The following ARHGEF2 variants were observed in gnomAD, a reference collection of about 807,000 sequenced individuals.
ARHGEF2 encodes Rho/Rac guanine nucleotide exchange factor 2, also known as rho guanine nucleotide exchange factor 2.
Under a neutral mutation model 121.0 loss-of-function variants are expected in ARHGEF2, and 22 were observed. That is an observed-to-expected ratio of 0.18 (90% CI 0.13 to 0.26). The LOEUF (loss-of-function observed/expected upper bound fraction) is 0.26. Among genes scored for constraint, ARHGEF2 ranks in the 10% least tolerant of loss-of-function variants. The pLI, the probability that ARHGEF2 is intolerant of heterozygous loss-of-function variation, is 1.00. For synonymous variants in ARHGEF2, 487 were observed against 530.0 expected (o/e 0.92, Z 1.11); for missense variants, 907 against 1,336.0 (o/e 0.68, Z 5.01).
Position 155,961,970 on chromosome 1 carries a change from ATCGTG to A in ARHGEF2, c.1220-66_1220-62del. ...CAGTTTCACTCACACCCCAGTTCCC[ATCGTG>A]TCTTGATTCCACCTTTAGAGGCTGC... On this transcript the variant is annotated intron_variant, in intron 10 of 21. Transcript: ENST00000361247. This position sits in a 1 kb window ranked among gnomAD's most constrained non-coding sequence, Gnocchi z 4.7. 1 of 1,607,104 alleles carries A rather than the reference ATCGTG, an allele frequency of 6.2e-7. No individual in the cohort carries two copies. The highest frequency in any genetic ancestry group is 2.2e-5 in the East Asian group (1 of 44,726).
chr1:155,970,866 T>C (rs1161937920), intron 1 of ARHGEF2: 1 of 986,336 alleles, frequency 1.0e-6, no homozygotes, highest in East Asian at 1.1e-4. Context: ...TGCCTGATGA[T>C]GTCCAGAGCC....
chr1:155,951,996 A>G lies in ARHGEF2; in HGVS notation c.2105-10T>C. On this transcript the variant is annotated splice_polypyrimidine_tract_variant and intron_variant, in intron 16 of 21. Coordinates refer to ENST00000361247, the MANE Select transcript of ARHGEF2 (RefSeq NM_001162383.2). The surrounding 1 kb of genome is among the most constrained non-coding windows in gnomAD (Gnocchi z 5.1). ...GTTCTGGCCTCACCATCTGTTGAGA[A>G]GGAGAAAAGGATGGCTGAGCTCACT... 1 of 1,614,112 alleles carries G rather than the reference A, an allele frequency of 6.2e-7. No homozygotes were observed. Among genetic ancestry groups the G allele is most frequent in the East Asian group, 2.2e-5 (1 of 44,886 alleles).
intron 1 of ARHGEF2, among the ~76,000 whole-genome samples, chr1:155,977,558 G>C (rs978325257): frequency 6.6e-6 from 1 of 152,172 alleles, no homozygotes; most frequent in Non-Finnish European, 1.5e-5. Context: ...ATAGTGCCAG[G>C]TGTGTCAGCC....
At chr1:155,953,746 C>CAAAAAAAAAAAAAAAAAAAAA (rs926082849) in intron 14 of ARHGEF2, among the ~76,000 whole-genome samples, 1 of 45,284 alleles carries the variant, frequency 2.2e-5, no homozygotes. Flanking sequence ...GACCCTGTCT[C>CAAAAAAAAAAAAAAAAAAAAA]AAAAAAAAAA....
At chr1:155,969,859 C>T (rs2102683379) in intron 1 of ARHGEF2, 7 of 985,774 alleles carry the variant, frequency 7.1e-6, no homozygotes, top group Non-Finnish European at 8.4e-6. Flanking sequence ...AGAATGCCTC[C>T]CCTGCCACCC....
intron 21 of ARHGEF2, among the ~76,000 whole-genome samples, chr1:155,948,670 C>T (rs1674785716): frequency 1.3e-5 from 2 of 152,020 alleles, no homozygotes; most frequent in Non-Finnish European, 2.9e-5. Flanking sequence ...TATACCTTCC[C>T]AGGCACAGTG....
chr1:155,970,051 G>C (rs1347580389), intron 1 of ARHGEF2: 2 of 985,266 alleles, frequency 2.0e-6, no homozygotes, highest in East Asian at 2.3e-4. Flanking sequence ...CAGCCATCTT[G>C]GTTGCTTCCA....
Position 155,950,572 on chromosome 1 carries a change from C to T in ARHGEF2, c.2704-90G>A. 1 of 1,378,926 alleles carries T rather than the reference C, an allele frequency of 7.3e-7. No homozygotes were observed. Among genetic ancestry groups the T allele is most frequent in the South Asian group, 1.2e-5 (1 of 80,438 alleles). 85.4% of individuals were successfully genotyped at this position (1,378,926 alleles called of 1,614,324 possible). ...GCTTGGCTGAAGGCAGCAGCTCTCC[C>T]CCCTGGGGCTCACCCATGAGTCCCC... On this transcript the variant is annotated intron_variant, in intron 20 of 21. Coordinates refer to ENST00000361247, the MANE Select transcript of ARHGEF2 (RefSeq NM_001162383.2). This position sits in a 1 kb window ranked among gnomAD's most constrained non-coding sequence, Gnocchi z 5.2.
In ARHGEF2 at chr1:155,978,210, T is replaced by TCCCCCCCCCCCCCCTCCCCCCCC; in HGVS notation, c.63+154_63+155insGGGGGGGGAGGGGGGGGGGGGGG. On this transcript the variant is annotated intron_variant, in intron 1 of 21. Transcript: ENST00000361247. This position sits in a 1 kb window ranked among gnomAD's most constrained non-coding sequence, Gnocchi z 4.1. ...CCCACCCCTACCCACTCGCTCGCAGTCCCCACCCACCCCGTCCCGCCGCTC... is the reference window on the plus strand; with the variant it reads ...CCCACCCCTACCCACTCGCTCGCAGTCCCCCCCCCCCCCCTCCCCCCCCCCCCACCCACCCCGTCCCGCCGCTC... 2 of 1,295,512 alleles carry TCCCCCCCCCCCCCCTCCCCCCCC rather than the reference T, an allele frequency of 1.5e-6. No homozygotes were observed. Among genetic ancestry groups the TCCCCCCCCCCCCCCTCCCCCCCC allele is most frequent in the African/African-American group, 1.5e-5 (1 of 64,592 alleles). 80.3% of individuals were successfully genotyped at this position (1,295,512 alleles called of 1,614,324 possible). A position where few individuals can be genotyped will look rare whatever the true frequency, so the allele number is the denominator to read the frequency against.
intron 7 of ARHGEF2, among the ~76,000 whole-genome samples, chr1:155,964,772 T>A (rs1679006173): frequency 6.6e-6 from 1 of 151,294 alleles, no homozygotes; most frequent in South Asian, 2.1e-4. Flanking sequence ...ATGCAAAACT[T>A]AGCCAGCATG....
intron 13 of ARHGEF2, 69 bp from the exon 14 acceptor site, chr1:155,955,038 C>G (rs1483689952): frequency 2.2e-6 from 3 of 1,346,394 alleles, no homozygotes; most frequent in Non-Finnish European, 3.1e-6. Flanking sequence ...TCAGCCTTCC[C>G]TCCTTCCCAA....
At chr1:155,963,610 C>T (rs1678430992) in intron 7 of ARHGEF2, among the ~76,000 whole-genome samples, 1 of 151,186 alleles carries the variant, frequency 6.6e-6, no homozygotes, top group African/African-American at 2.4e-5. Flanking sequence ...TCCCAAAGTG[C>T]TGGGATTACA....
At chr1:155,955,387 G>A (rs1391128011) in intron 13 of ARHGEF2, among the ~76,000 whole-genome samples, 1 of 151,870 alleles carries the variant, frequency 6.6e-6, no homozygotes, top group African/African-American at 2.4e-5. Context: ...CAAAGTGCTG[G>A]GATTACAGGC....
intron 13 of ARHGEF2, among the ~76,000 whole-genome samples, chr1:155,957,116 C>G (rs1291016519): frequency 6.6e-6 from 1 of 151,966 alleles, no homozygotes; most frequent in Non-Finnish European, 1.5e-5. Flanking sequence ...GCATAATCTT[C>G]CAGAATCCAT....
rs766448358 is a variant in ARHGEF2 at position 155,958,403 on chromosome 1, G to A, written c.1469-7C>T. ...ATCAGCAGCACTAGCACATCTGGAA[G>A]GGGATGAAGGTGGGAGAACAGTCAG... On this transcript the variant is annotated splice_polypyrimidine_tract_variant and splice_region_variant and intron_variant, in intron 11 of 21. Coordinates refer to ENST00000361247, the MANE Select transcript of ARHGEF2 (RefSeq NM_001162383.2). 1.2e-5 allele frequency: 20 copies of A among 1,612,616 alleles called. No homozygotes were observed. The South Asian group carries it at 2.0e-4, about 16-fold the overall frequency.
At chr1:155,975,237 GCAGA>G (rs1303173641) in intron 1 of ARHGEF2, among the ~76,000 whole-genome samples, 1 of 152,118 alleles carries the variant, frequency 6.6e-6, no homozygotes, top group Admixed American at 6.5e-5. Context: ...GGGCAGGCAG[GCAGA>G]CAGACACACT....
intron 1 of ARHGEF2, among the ~76,000 whole-genome samples, chr1:155,977,255 T>G (rs906226889): frequency 6.6e-6 from 1 of 151,878 alleles, no homozygotes; most frequent in South Asian, 2.1e-4. Context: ...AGCTGGGAGG[T>G]GCTGTCTGCA....
intron 4 of ARHGEF2, among the ~76,000 whole-genome samples, chr1:155,966,193 C>T (rs1679333615): frequency 6.6e-6 from 1 of 152,110 alleles, no homozygotes; most frequent in African/African-American, 2.4e-5. Flanking sequence ...CAGGCTCAGG[C>T]GACCACCCAT....
At position 155,964,974 on chromosome 1, in the gene ARHGEF2, TG is replaced by T; in HGVS notation, c.724+13del. 6.2e-7 allele frequency: 1 copy of T among 1,606,610 alleles called. No individual in the cohort carries two copies. Among genetic ancestry groups the T allele is most frequent in the Non-Finnish European group, 8.5e-7 (1 of 1,176,166 alleles). On this transcript the variant is annotated intron_variant, in intron 7 of 21. Transcript: ENST00000361247. The stretch of plus-strand genomic sequence containing the variant: ...TGGTGAAGGAAGAGGAAGACTAGGG[TG>T]GTCTTGGCTTACCATAGATGACATC...
Sources: gnomAD v4.1 joint callset for allele counts (sites outside exome capture counted in the v4.1 genomes callset) on GRCh38, gnomAD v4.1.1 for gene constraint, Gnocchi (gnomAD v3.1) non-coding constraint, MANE v1.5 for transcripts, NCBI Gene and HGNC (gene_info 2026-07-23, HGNC 2026-07-21) for gene names.